Variants in FHIT observed in about 807,000 individuals in gnomAD.
FHIT encodes fragile histidine triad diadenosine triphosphatase.
Under a neutral mutation model 17.9 loss-of-function variants are expected in FHIT, and 19 were observed. That is an observed-to-expected ratio of 1.06 (90% confidence interval 0.74 to 1.56). The LOEUF (loss-of-function observed/expected upper bound fraction) is 1.56. FHIT is among the 40% of genes most tolerant of loss of function. The pLI, the probability that FHIT is intolerant of heterozygous loss-of-function variation, is 0.00. For synonymous variants in FHIT, 81 were observed against 69.7 expected, an observed-to-expected ratio of 1.16 and a Z score of -0.81; for missense variants, 248 against 189.2, an observed-to-expected ratio of 1.31 and a Z score of -1.82.
At chr3:61,067,474 G>C (rs1056489936) in intron 2 of FHIT, among the ~76,000 whole-genome samples, 6 of 152,030 alleles carry the variant, frequency 3.9e-5, no homozygotes, top group African/African-American at 1.4e-4. Flanking sequence ...CATGTATAAA[G>C]TATTGCCAAC....
In FHIT at chr3:60,084,271, T is replaced by A. The variant is rs570702474; in HGVS notation, c.104-70119A>T. The stretch of plus-strand genomic sequence containing the variant: ...TATTTAGAGTAAGCAAATATTACCA[T>A]TGTAAGTTACAACAATAAAAAGGAA... On this transcript the variant is annotated intron_variant, in intron 5 of 9. Coordinates refer to ENST00000492590, the MANE Select transcript of FHIT (RefSeq NM_002012.4). Among the ~76,000 whole-genome samples the A allele has an allele frequency of 3.3e-5, 5 of 152,252 alleles. No homozygotes were observed. The South Asian group carries it at 8.3e-4, about 25-fold the overall frequency.
intron 2 of FHIT, among the ~76,000 whole-genome samples, chr3:61,151,920 A>G (rs2037405817): frequency 6.6e-6 from 1 of 152,184 alleles, no homozygotes; most frequent in African/African-American, 2.4e-5. Flanking sequence ...ACTCATATCA[A>G]GTAGATATAA....
At chr3:61,136,777 C>T (rs2036927693) in intron 2 of FHIT, among the ~76,000 whole-genome samples, 1 of 152,130 alleles carries the variant, frequency 6.6e-6, no homozygotes, top group Admixed American at 6.5e-5. Context: ...TCAGGAAAAC[C>T]TTCTGTCGAA....
At chr3:60,127,852 A>T (rs996108975) in intron 5 of FHIT, among the ~76,000 whole-genome samples, 2 of 152,126 alleles carry the variant, frequency 1.3e-5, no homozygotes, top group Non-Finnish European at 2.9e-5. Context: ...TCTGGTCTCA[A>T]ACTCCTGGGC....
At chr3:60,673,909 G>C (rs1352002637) in intron 4 of FHIT, among the ~76,000 whole-genome samples, 1 of 151,664 alleles carries the variant, frequency 6.6e-6, no homozygotes, top group African/African-American at 2.4e-5. Context: ...ATCCTGCTTT[G>C]GTTTGCTAAA....
At chr3:61,116,358 T>G (rs1321210084) in intron 2 of FHIT, among the ~76,000 whole-genome samples, 1 of 152,116 alleles carries the variant, frequency 6.6e-6, no homozygotes, top group Non-Finnish European at 1.5e-5. Flanking sequence ...GTGCCACAAA[T>G]GTGCCTCCAT....
chr3:60,912,200 T>C lies in FHIT; in HGVS notation c.-110-90189A>G, dbSNP rs1359924255. On this transcript the variant is annotated intron_variant, in intron 3 of 9. Coordinates refer to ENST00000492590, the MANE Select transcript of FHIT (RefSeq NM_002012.4). ...TAGTAAACAAACAAATAGAATACAA[T>C]GTAAGCTGCAGTACATGTAATCTGA... Among the ~76,000 whole-genome samples, 4 of 152,088 alleles carry C rather than the reference T, an allele frequency of 2.6e-5. No homozygotes were observed. In the East Asian group the frequency reaches 5.8e-4, roughly 22 times the overall value.
intron 5 of FHIT, among the ~76,000 whole-genome samples, chr3:60,393,217 G>A (rs1489126047): frequency 6.6e-6 from 1 of 151,954 alleles, no homozygotes; most frequent in East Asian, 1.9e-4. Flanking sequence ...TAAATGGCTG[G>A]TATTATTGCT....
rs11917122 is a variant in FHIT, at chr3:60,189,800, T to C, written c.104-175648A>G. On this transcript the variant is annotated intron_variant, in intron 5 of 9. Coordinates refer to ENST00000492590, the MANE Select transcript of FHIT (RefSeq NM_002012.4). Reference sequence around the variant, plus strand: ...TTGCTAAGGACTGAAAAAGTTGTTCTGATGAAAGTTAAATTCTAAAACATT... The same window carrying C: ...TTGCTAAGGACTGAAAAAGTTGTTCCGATGAAAGTTAAATTCTAAAACATT... 2.1e-3 allele frequency among the ~76,000 whole-genome samples: 326 copies of C among 152,368 alleles called. 2 individuals are homozygous for C. The highest frequency in any genetic ancestry group is 7.4e-3 in the African/African-American group (307 of 41,592).
chr3:60,821,375 A>C (rs782356779), intron 4 of FHIT, among the ~76,000 whole-genome samples: 1 of 152,182 alleles, frequency 6.6e-6, no homozygotes. Flanking sequence ...CCTACCCTTC[A>C]CTGTCTGTCC....
intron 2 of FHIT, among the ~76,000 whole-genome samples, chr3:61,055,642 G>A (rs1308230002): frequency 6.6e-6 from 1 of 152,132 alleles, no homozygotes; most frequent in African/African-American, 2.4e-5. Context: ...GCCAGATACT[G>A]GGGGAATTCA....
chr3:60,188,172 G>A (rs940578108), intron 5 of FHIT, among the ~76,000 whole-genome samples: 1 of 148,660 alleles, frequency 6.7e-6, no homozygotes, highest in Non-Finnish European at 1.5e-5. Flanking sequence ...ACTCTAACAG[G>A]TGTCTATGAA....
chr3:59,786,604 T>A (rs1369916474), intron 8 of FHIT, among the ~76,000 whole-genome samples: 1 of 152,212 alleles, frequency 6.6e-6, no homozygotes, highest in East Asian at 1.9e-4. Flanking sequence ...ATGATGGAAA[T>A]TGCCTGCAAA....
intron 3 of FHIT, among the ~76,000 whole-genome samples, chr3:61,032,207 C>A (rs536386457): frequency 2.9e-4 from 44 of 152,306 alleles, no homozygotes; most frequent in Non-Finnish European, 4.6e-4. Context: ...AAATACAGAA[C>A]TTTACATACA....
chr3:61,094,325 TG>T (rs1445726369), intron 2 of FHIT, among the ~76,000 whole-genome samples: 2 of 152,212 alleles, frequency 1.3e-5, no homozygotes, highest in Admixed American at 6.5e-5. Context: ...ATTCTGCCTC[TG>T]CCACTTACTG....
chr3:59,986,536 T>C (rs1359811650), intron 7 of FHIT, among the ~76,000 whole-genome samples: 5,263 of 11,424 alleles, frequency 0.46, 706 homozygotes, highest in Admixed American at 0.54. Flanking sequence ...TATATATATA[T>C]ATATACACAC....
At chr3:60,632,637 G>A (rs1180652001) in intron 4 of FHIT, among the ~76,000 whole-genome samples, 5 of 152,230 alleles carry the variant, frequency 3.3e-5, no homozygotes, top group Middle Eastern at 3.4e-3. Flanking sequence ...AAACTTTCTA[G>A]AACAAGCTAA....
At chr3:60,404,204 T>G (rs1701766114) in intron 5 of FHIT, among the ~76,000 whole-genome samples, 1 of 152,206 alleles carries the variant, frequency 6.6e-6, no homozygotes, top group African/African-American at 2.4e-5. Flanking sequence ...GCTTTGTGTG[T>G]TTTGTCTAAT....
intron 5 of FHIT, among the ~76,000 whole-genome samples, chr3:60,342,125 CT>C (rs1710548636): frequency 6.6e-6 from 1 of 152,222 alleles, no homozygotes; most frequent in African/African-American, 2.4e-5. Flanking sequence ...AGGAGGTGAA[CT>C]TCCCCTGGCT....
Sources: gnomAD v4.1 joint callset for allele counts (sites outside exome capture counted in the v4.1 genomes callset) on GRCh38, gnomAD v4.1.1 for gene constraint, MANE v1.5 for transcripts, NCBI Gene and HGNC (gene_info 2026-07-23, HGNC 2026-07-21) for gene names.